Variants in DIP2C observed in about 807,000 individuals in gnomAD.
DIP2C encodes the protein DIP2 acetate--CoA ligase C (putative), also known as disco-interacting protein 2 homolog C.
In DIP2C, 33 loss-of-function variants were observed where a neutral mutation model predicts 192.4. That is an observed-to-expected ratio of 0.17 (90% CI 0.13 to 0.23). The LOEUF (loss-of-function observed/expected upper bound fraction) is 0.23. Ranked by LOEUF, DIP2C falls within the 10% of genes least tolerant of loss-of-function variation. The probability of loss-of-function intolerance (pLI) is 1.00; values close to 1 mark genes in which losing one functional copy is unlikely to be tolerated. For missense variants in DIP2C, 1,537 were observed against 2,110.1 expected (o/e 0.73, Z 5.32); for synonymous variants, 979 against 864.1 (o/e 1.13, Z -2.33).
rs1265060838 is a variant in DIP2C at position 356,482 on chromosome 10, G to T, written c.2929C>A (p.Gln977Lys). Residue 977 changes from glutamine (Q) to lysine (K), a missense_variant, in exon 24 of 37, where the codon CAG becomes AAG. Physicochemically the swap from Gln to Lys is moderately conservative, Grantham distance 53. Around this residue, in one of 4 missense-constraint regions of DIP2C, gnomAD observed 677 missense variants for 989.9 expected, o/e 0.68. Transcript: ENST00000280886. Reference protein sequence around the residue: ...RKFLFLSEVLQWRAQTTPDHI... With the variant: ...RKFLFLSEVLKWRAQTTPDHI... ...TCCGGGGTGGTCTGTGCTCTCCACTGCAAGACCTCTGAGAGGAACAGGAAC... is the reference window on the plus strand; with the variant it reads ...TCCGGGGTGGTCTGTGCTCTCCACTTCAAGACCTCTGAGAGGAACAGGAAC... 1 of 1,612,114 alleles carries T rather than the reference G, an allele frequency of 6.2e-7. No homozygotes were observed. The highest frequency in any genetic ancestry group is 8.5e-7 in the Non-Finnish European group (1 of 1,179,910).
At chr10:573,812 C>A (rs559300419) in intron 1 of DIP2C, among the ~76,000 whole-genome samples, 1 of 151,936 alleles carries the variant, frequency 6.6e-6, no homozygotes, top group Non-Finnish European at 1.5e-5. Flanking sequence ...ACCATTAACA[C>A]GTTTTACACA....
chr10:296,857 G>C (rs1422529354), intron 32 of DIP2C, among the ~76,000 whole-genome samples: 1 of 131,878 alleles, frequency 7.6e-6, no homozygotes, highest in Non-Finnish European at 1.5e-5. Context: ...TTGGACACAG[G>C]AAGGGGAACA....
chr10:524,145 G>C (rs1010431886), intron 1 of DIP2C, among the ~76,000 whole-genome samples: 1 of 152,194 alleles, frequency 6.6e-6, no homozygotes, highest in Non-Finnish European at 1.5e-5. Flanking sequence ...TCCATGTCAA[G>C]GCCCCTAGTG....
chr10:635,836 G>A (rs575381213), intron 1 of DIP2C, among the ~76,000 whole-genome samples: 2 of 152,196 alleles, frequency 1.3e-5, no homozygotes, highest in Non-Finnish European at 2.9e-5. Context: ...AAGACCCCCA[G>A]AGGCTGCCTC....
intron 29 of DIP2C, chr10:340,778 C>A (rs1958105463): frequency 2.2e-6 from 1 of 458,082 alleles, no homozygotes; most frequent in Non-Finnish European, 4.4e-6. Context: ...CGTGGACTCA[C>A]CTCTGGGCTT....
At chr10:619,545 T>TCCCTCCCTCCCTCCCTCCCACCCACCCA (rs1554757207) in intron 1 of DIP2C, among the ~76,000 whole-genome samples, 3 of 15,810 alleles carry the variant, frequency 1.9e-4, no homozygotes, top group African/African-American at 7.1e-4. Context: ...CCGCCCGCCC[T>TCCCTCCCTCCCTCCCTCCCACCCACCCA]CCCACCCAGC....
intron 8 of DIP2C, among the ~76,000 whole-genome samples, chr10:412,740 A>T (rs1195519320): frequency 6.6e-6 from 1 of 152,180 alleles, no homozygotes. Flanking sequence ...TTTGACCTCC[A>T]TGGCTAATGT....
At chr10:365,083 C>T (rs1960031325) in intron 19 of DIP2C, 3 of 495,728 alleles carry the variant, frequency 6.1e-6, no homozygotes, top group South Asian at 3.1e-5. Flanking sequence ...CTCTTTTTTC[C>T]TCCACCCTTG....
intron 31 of DIP2C, among the ~76,000 whole-genome samples, chr10:316,000 CATTTT>C (rs935876574): frequency 2.0e-5 from 3 of 151,982 alleles, no homozygotes; most frequent in African/African-American, 7.3e-5. Flanking sequence ...CCAGCATTTC[CATTTT>C]GTTTTTTCTC....
chr10:319,094 G>A (rs1290371872), intron 31 of DIP2C, among the ~76,000 whole-genome samples: 1 of 151,938 alleles, frequency 6.6e-6, no homozygotes, highest in Middle Eastern at 3.2e-3. Flanking sequence ...TGAATTTTTA[G>A]TACAGACAGG....
chr10:491,790 A>G (rs1476428561), intron 1 of DIP2C, among the ~76,000 whole-genome samples: 1 of 152,242 alleles, frequency 6.6e-6, no homozygotes, highest in African/African-American at 2.4e-5. Context: ...TCTATTTCAC[A>G]TTCAATTCAT....
At position 651,181 on chromosome 10, in the gene DIP2C, C is replaced by G. The variant is rs1282428805; in HGVS notation, c.85+38313G>C. 1.4e-6 allele frequency: 1 copy of G among 717,406 alleles called. No homozygotes were observed. Among genetic ancestry groups the G allele is most frequent in the Non-Finnish European group, 2.6e-6 (1 of 385,136 alleles). 44.4% of individuals were successfully genotyped at this position (717,406 alleles called of 1,614,324 possible). Reference sequence around the variant, plus strand: ...CTCCACCTGCCCAGGTCTGGGACCACCGTCCTCCACGCATATCTACAGACC... The same window carrying G: ...CTCCACCTGCCCAGGTCTGGGACCAGCGTCCTCCACGCATATCTACAGACC... On this transcript the variant is annotated intron_variant, in intron 1 of 36. Coordinates refer to ENST00000280886, the MANE Select transcript of DIP2C (RefSeq NM_014974.3). The surrounding 1 kb of genome is among the most constrained non-coding windows in gnomAD (Gnocchi z 4.1).
intron 4 of DIP2C, among the ~76,000 whole-genome samples, chr10:430,803 T>C (rs1423352734): frequency 6.6e-6 from 1 of 152,272 alleles, no homozygotes; most frequent in African/African-American, 2.4e-5. Flanking sequence ...TTTTGTATTT[T>C]ACATCTGTCA....
At chr10:485,544 C>T (rs1843953761) in intron 2 of DIP2C, among the ~76,000 whole-genome samples, 1 of 152,308 alleles carries the variant, frequency 6.6e-6, no homozygotes, top group East Asian at 1.9e-4. Context: ...AACAAAACTA[C>T]CAATAGCAGA....
intron 2 of DIP2C, among the ~76,000 whole-genome samples, chr10:481,662 C>T (rs1423522077): frequency 1.3e-5 from 2 of 152,242 alleles, no homozygotes; most frequent in African/African-American, 4.8e-5. Flanking sequence ...AAAACTGCAG[C>T]CCAGATAGAC....
chr10:388,314 G>A (rs929783953), intron 13 of DIP2C, among the ~76,000 whole-genome samples: 8 of 152,112 alleles, frequency 5.3e-5, no homozygotes, highest in African/African-American at 1.9e-4. Context: ...CAATGACTAT[G>A]GGGGAGGGCT....
chr10:637,305 C>T lies in DIP2C; in HGVS notation c.85+52189G>A, dbSNP rs1287670009. 2.7e-5 allele frequency among the ~76,000 whole-genome samples: 4 copies of T among 148,804 alleles called. No individual in the cohort carries two copies. The East Asian group carries it at 8.0e-4, about 30-fold the overall frequency. On this transcript the variant is annotated intron_variant, in intron 1 of 36. Coordinates refer to ENST00000280886, the MANE Select transcript of DIP2C (RefSeq NM_014974.3). Reference sequence around the variant, plus strand: ...CTGTAACAACACACCATAGGCTGGGCGGGGACTGACAAACAACAGAAAATT... The same window carrying T: ...CTGTAACAACACACCATAGGCTGGGTGGGGACTGACAAACAACAGAAAATT...
intron 31 of DIP2C, among the ~76,000 whole-genome samples, chr10:314,483 C>A (rs909746114): frequency 1.4e-4 from 22 of 152,192 alleles, no homozygotes; most frequent in Non-Finnish European, 1.6e-4. Context: ...TCGGCACCAG[C>A]CAGGATTTCC....
At chr10:387,981 G>C (rs759820531) in intron 13 of DIP2C, among the ~76,000 whole-genome samples, 172 bp from the exon 14 acceptor site, 9 of 152,130 alleles carry the variant, frequency 5.9e-5, no homozygotes, top group Non-Finnish European at 1.0e-4. Context: ...TTTGAGTGCC[G>C]GCCACCCTGG....
Sources: allele counts gnomAD v4.1 joint callset (sites outside exome capture counted in the v4.1 genomes callset), GRCh38; gene constraint gnomAD v4.1.1; regional missense constraint gnomAD v4.1.1; non-coding constraint Gnocchi (gnomAD v3.1); transcripts MANE v1.5; gene names NCBI Gene and HGNC (gene_info 2026-07-23, HGNC 2026-07-21).